HDAC4: variants seen among roughly 807,000 people sequenced by gnomAD.
The protein encoded by HDAC4 is histone deacetylase 4, also known as histone deacetylase A.
Under a neutral mutation model 135.1 loss-of-function variants are expected in HDAC4, and 16 were observed. That is an observed-to-expected ratio of 0.12 (90% CI 0.08 to 0.18). The LOEUF (loss-of-function observed/expected upper bound fraction) is 0.18. HDAC4 is among the 10% of genes least tolerant of loss of function. The pLI is 1.00. For missense variants in HDAC4, 1,143 were observed against 1,511.8 expected, an observed-to-expected ratio of 0.76 and a Z score of 4.05; for synonymous variants, 685 against 653.4, an observed-to-expected ratio of 1.05 and a Z score of -0.74.
chr2:239,320,988 G>A (rs929300952), intron 2 of HDAC4, among the ~76,000 whole-genome samples: 5 of 151,984 alleles, frequency 3.3e-5, no homozygotes, highest in Non-Finnish European at 7.4e-5. Context: ...CGCTTTCCTT[G>A]TATAACAACT....
intron 17 of HDAC4, 90 bp from the exon 18 acceptor site, chr2:239,090,206 G>A: frequency 2.2e-6 from 2 of 919,432 alleles, no homozygotes; most frequent in Admixed American, 1.9e-5. Context: ...GGTTCCGTGG[G>A]CTCTGCTTCT....
rs574960097 is a variant in HDAC4, at chr2:239,167,463, C to G, written c.491-3540G>C. Among the ~76,000 whole-genome samples the G allele has an allele frequency of 6.6e-6, 1 of 152,282 alleles. No individual in the cohort carries two copies. Among genetic ancestry groups the G allele is most frequent in the East Asian group, 1.9e-4 (1 of 5,158 alleles). Reference sequence around the variant, plus strand: ...GACTGGGGTTCACACCCCACCCATGCCCAGCATAGGCCTGGCCAGCAGGAA... The same window carrying G: ...GACTGGGGTTCACACCCCACCCATGGCCAGCATAGGCCTGGCCAGCAGGAA... On this transcript the variant is annotated intron_variant, in intron 5 of 26. Transcript: ENST00000543185. The surrounding 1 kb of genome is among the most constrained non-coding windows in gnomAD (Gnocchi z 4.1).
At chr2:239,105,032 G>A (rs368621739) in intron 15 of HDAC4, among the ~76,000 whole-genome samples, 13 of 152,374 alleles carry the variant, frequency 8.5e-5, no homozygotes, top group African/African-American at 2.9e-4. Context: ...AGGCTGTAGC[G>A]TGCAATATTG....
chr2:239,186,072 G>A (rs2153033334), intron 4 of HDAC4, among the ~76,000 whole-genome samples: 1 of 151,956 alleles, frequency 6.6e-6, no homozygotes, highest in Non-Finnish European at 1.5e-5. Flanking sequence ...GTGCAAGAGA[G>A]AACTTCCACG....
At chr2:239,165,247 A>C (rs1040122176) in intron 5 of HDAC4, among the ~76,000 whole-genome samples, 29 of 151,762 alleles carry the variant, frequency 1.9e-4, no homozygotes, top group African/African-American at 7.0e-4. Flanking sequence ...GAAAAACGAA[A>C]CTTCTCTACA....
intron 22 of HDAC4, among the ~76,000 whole-genome samples, chr2:239,071,384 C>T (rs918040471): frequency 5.3e-5 from 8 of 152,072 alleles, no homozygotes; most frequent in East Asian, 3.9e-4. Flanking sequence ...CACTGAACTC[C>T]GGCCTGGCTG....
chr2:239,141,858 A>G lies in HDAC4; in HGVS notation c.866-2062T>C, dbSNP rs2041398328. ...AACGAGGTTAATTTTATTTTTTTGC[A>G]TTCTACTTCCAGGAATAGGTCTAAG... On this transcript the variant is annotated intron_variant, in intron 8 of 26. Coordinates refer to ENST00000543185, the MANE Select transcript of HDAC4 (RefSeq NM_001378414.1). The surrounding 1 kb of genome is among the most constrained non-coding windows in gnomAD (Gnocchi z 4.9). 6.6e-6 allele frequency among the ~76,000 whole-genome samples: 1 copy of G among 152,186 alleles called. No homozygotes were observed. Among genetic ancestry groups the G allele is most frequent in the Non-Finnish European group, 1.5e-5 (1 of 68,018 alleles).
chr2:239,343,802 C>T (rs1005536085), intron 2 of HDAC4, among the ~76,000 whole-genome samples: 1 of 152,182 alleles, frequency 6.6e-6, no homozygotes, highest in Non-Finnish European at 1.5e-5. Context: ...GGGAAGGTGA[C>T]CGATTCTAGC....
Position 239,309,594 on chromosome 2 carries a change from T to C in HDAC4, c.22+43084A>G, listed in dbSNP as rs1012605474. Among the ~76,000 whole-genome samples the C allele has an allele frequency of 1.3e-5, 2 of 152,260 alleles. No individual in the cohort carries two copies. The highest frequency in any genetic ancestry group is 2.9e-5 in the Non-Finnish European group (2 of 68,048). ...TGCACCTGGCGGGAGGCTCTGGCCT[T>C]GCAGGCGTGCAGGAGCCCCTGCCAG... On this transcript the variant is annotated intron_variant, in intron 2 of 26. Transcript: ENST00000543185. The surrounding 1 kb of genome is among the most constrained non-coding windows in gnomAD (Gnocchi z 4.2).
intron 2 of HDAC4, among the ~76,000 whole-genome samples, chr2:239,325,621 G>C (rs923216095): frequency 7.2e-5 from 11 of 152,310 alleles, no homozygotes; most frequent in African/African-American, 2.4e-4. Flanking sequence ...TGGTGGGCAG[G>C]AACATAAAAT....
At chr2:239,094,388 C>T in intron 17 of HDAC4, 4 of 622,630 alleles carry the variant, frequency 6.4e-6, no homozygotes, top group Non-Finnish European at 7.6e-6. Context: ...ACTTATGCGC[C>T]CAGGCCAGGT....
chr2:239,345,756 AC>A (rs199667023), intron 2 of HDAC4, among the ~76,000 whole-genome samples: 6 of 147,952 alleles, frequency 4.1e-5, no homozygotes, highest in African/African-American at 7.7e-5. Context: ...AAACACACAC[AC>A]CCCCGTCTCA....
At chr2:239,255,147 T>C (rs543327352) in intron 2 of HDAC4, among the ~76,000 whole-genome samples, 25 of 152,352 alleles carry the variant, frequency 1.6e-4, no homozygotes, top group African/African-American at 4.8e-4. Context: ...AAGAAAATCA[T>C]ATCCCAGGTG....
chr2:239,197,510 A>G (rs1369375514), intron 3 of HDAC4, among the ~76,000 whole-genome samples: 3 of 152,200 alleles, frequency 2.0e-5, no homozygotes, highest in African/African-American at 7.2e-5. Flanking sequence ...GAAGCACTTC[A>G]TCAAGGGTTC....
At chr2:239,394,942 T>A (rs116410165) in intron 1 of HDAC4, among the ~76,000 whole-genome samples, 1,547 of 152,264 alleles carry the variant, frequency 0.01, 25 homozygotes, top group African/African-American at 0.035. Flanking sequence ...ACAACTAAGG[T>A]CACAATGAGC....
rs571994940 is a variant in HDAC4, at chr2:239,375,927, C to A, written c.-219-23009G>T. Reference sequence around the variant, plus strand: ...GCCTGGCAGTCACCCCACCCGACTGCGAGTGTCACCTGGACCACGTCATGT... The same window carrying A: ...GCCTGGCAGTCACCCCACCCGACTGAGAGTGTCACCTGGACCACGTCATGT... On this transcript the variant is annotated intron_variant, in intron 1 of 26. Transcript: ENST00000543185. Among the ~76,000 whole-genome samples, 2 of 152,346 alleles carry A rather than the reference C, an allele frequency of 1.3e-5. 1 individual carries two copies. Among genetic ancestry groups the A allele is most frequent in the South Asian group, 4.1e-4 (2 of 4,832 alleles).
At chr2:239,149,332 G>A (rs570394832) in intron 7 of HDAC4, among the ~76,000 whole-genome samples, 4 of 151,824 alleles carry the variant, frequency 2.6e-5, no homozygotes, top group South Asian at 4.2e-4. Flanking sequence ...CCCAGGAGGC[G>A]GAGGTTGTCT....
At position 239,400,525 on chromosome 2, in the gene HDAC4, C is replaced by A. The variant is rs1696902194; in HGVS notation, c.-220+453G>T. The A allele has an allele frequency of 6.9e-6, 1 of 145,742 alleles. No individual in the cohort carries two copies. The highest frequency in any genetic ancestry group is 1.5e-5 in the Non-Finnish European group (1 of 65,576). 9.0% of individuals were successfully genotyped at this position (145,742 alleles called of 1,614,324 possible). A position where few individuals can be genotyped will look rare whatever the true frequency, so the allele number is the denominator to read the frequency against. ...CGGGCGGCCCTGGGGACCGGCGGGT[C>A]CCACGGCGCGCGGCCAGCGCTGGCC... On this transcript the variant is annotated intron_variant, in intron 1 of 26. Coordinates refer to ENST00000543185, the MANE Select transcript of HDAC4 (RefSeq NM_001378414.1). This position sits in a 1 kb window ranked among gnomAD's most constrained non-coding sequence, Gnocchi z 4.7.
chr2:239,190,177 G>T (rs570604738), intron 3 of HDAC4, 100 bp from the exon 4 acceptor site: 19 of 1,436,422 alleles, frequency 1.3e-5, no homozygotes, highest in Middle Eastern at 2.5e-4. Flanking sequence ...CACGGGGCGG[G>T]GGGGGGGTTG....
Sources: gnomAD v4.1 joint callset for allele counts (sites outside exome capture counted in the v4.1 genomes callset) on GRCh38, gnomAD v4.1.1 for gene constraint, Gnocchi (gnomAD v3.1) non-coding constraint, MANE v1.5 for transcripts, NCBI Gene and HGNC (gene_info 2026-07-23, HGNC 2026-07-21) for gene names.